The following MYRIP variants were observed in gnomAD, a reference collection of about 807,000 sequenced individuals.
The protein encoded by MYRIP is myosin VIIA and Rab interacting protein, also known as rab effector MyRIP.
A neutral mutation model predicts 98.0 loss-of-function variants in MYRIP; 49 were observed. The ratio of observed to expected loss-of-function variants is 0.50; its 90% CI spans 0.40 to 0.63. The LOEUF (loss-of-function observed/expected upper bound fraction) is 0.63. MYRIP is among the 30% of genes least tolerant of loss of function. The probability of loss-of-function intolerance (pLI) is 0.00; values close to 1 mark genes in which losing one functional copy is unlikely to be tolerated. For synonymous variants in MYRIP, 404 were observed against 409.5 expected, an observed-to-expected ratio of 0.99 and a Z score of 0.16; for missense variants, 1,004 against 1,058.2, an observed-to-expected ratio of 0.95 and a Z score of 0.71.
chr3:39,814,763 G>A (rs1228226790), intron 1 of MYRIP, among the ~76,000 whole-genome samples: 1 of 151,992 alleles, frequency 6.6e-6, no homozygotes. Flanking sequence ...TGATGCTTTA[G>A]GCTTCAACAT....
At chr3:40,032,765 C>A (rs1218960587) in intron 2 of MYRIP, among the ~76,000 whole-genome samples, 9 of 152,014 alleles carry the variant, frequency 5.9e-5, no homozygotes, top group African/African-American at 1.7e-4. Flanking sequence ...AGAGACACAA[C>A]CAAAAAAGAA....
At chr3:40,236,299 C>A (rs1010728482) in intron 12 of MYRIP, among the ~76,000 whole-genome samples, 5 of 152,144 alleles carry the variant, frequency 3.3e-5, no homozygotes, top group Non-Finnish European at 5.9e-5. Flanking sequence ...TTTTGCATTT[C>A]TAATAATACA....
chr3:40,244,366 A>G lies in MYRIP; in HGVS notation c.2101-80A>G, dbSNP rs576904212. The G allele has an allele frequency of 6.0e-6, 8 of 1,336,396 alleles. No individual in the cohort carries two copies. In the East Asian group the frequency reaches 1.0e-4, roughly 17 times the overall value. The allele number at this position is 1,336,396 out of a possible 1,614,324, so 82.8% of individuals were successfully genotyped here. ...AAGTCCAGTTATCTCACTCCCCTGA[A>G]TTGCTGGGGTCCCCTCAAGGGACCC... On this transcript the variant is annotated intron_variant, in intron 12 of 16. Coordinates refer to ENST00000302541, the MANE Select transcript of MYRIP (RefSeq NM_015460.4).
chr3:40,039,416 G>A (rs527975649), intron 2 of MYRIP, among the ~76,000 whole-genome samples: 19 of 152,132 alleles, frequency 1.2e-4, no homozygotes, highest in Non-Finnish European at 2.5e-4. Flanking sequence ...GAAAACAAGA[G>A]TAACACGAGG....
intron 3 of MYRIP, among the ~76,000 whole-genome samples, chr3:40,074,836 G>A (rs1020064532): frequency 5.3e-5 from 8 of 152,100 alleles, no homozygotes; most frequent in African/African-American, 9.7e-5. Flanking sequence ...AAGAAGATAC[G>A]TAGATGTCAA....
intron 2 of MYRIP, among the ~76,000 whole-genome samples, chr3:39,919,339 G>C (rs961650091): frequency 1.3e-5 from 2 of 152,182 alleles, no homozygotes; most frequent in Non-Finnish European, 2.9e-5. Flanking sequence ...AAGGTCCTAG[G>C]TCAGACTGCA....
rs769303792 is a variant in MYRIP at position 40,252,000 on chromosome 3, G to C, written c.2547+1G>C. 2 of 1,589,484 alleles carry C rather than the reference G, an allele frequency of 1.3e-6. No homozygotes were observed. The highest frequency in any genetic ancestry group is 1.7e-6 in the Non-Finnish European group (2 of 1,157,872). Reference sequence around the variant, plus strand: ...GAAAGGCACCACCAAGGATTTGATGGTAAATGTCATCTCTGTCTTAATGTT... The same window carrying C: ...GAAAGGCACCACCAAGGATTTGATGCTAAATGTCATCTCTGTCTTAATGTT... On this transcript the variant is annotated splice_donor_variant, in intron 16 of 16. Transcript: ENST00000302541. LOFTEE classifies it high-confidence loss of function.
rs1950790693 is a variant in MYRIP at position 40,177,456 on chromosome 3, G to A, written c.874-4764G>A. Among the ~76,000 whole-genome samples the A allele has an allele frequency of 1.3e-5, 2 of 152,142 alleles. 1 individual carries two copies. The highest frequency in any genetic ancestry group is 4.8e-5 in the African/African-American group (2 of 41,430). The stretch of plus-strand genomic sequence containing the variant: ...TTCTCCAATGACCCAGACACCTTTG[G>A]CTTAAGAAATAACCATGCAGAATCC... On this transcript the variant is annotated intron_variant, in intron 8 of 16. Coordinates refer to ENST00000302541, the MANE Select transcript of MYRIP (RefSeq NM_015460.4).
At chr3:39,934,678 A>G (rs1944618492) in intron 2 of MYRIP, among the ~76,000 whole-genome samples, 1 of 152,196 alleles carries the variant, frequency 6.6e-6, no homozygotes. Flanking sequence ...TGGGGAAGAA[A>G]CAGACAGCAG....
At chr3:39,940,596 T>C (rs1944761803) in intron 2 of MYRIP, among the ~76,000 whole-genome samples, 1 of 152,150 alleles carries the variant, frequency 6.6e-6, no homozygotes, top group Non-Finnish European at 1.5e-5. Context: ...ATTTCTTCAC[T>C]TATCTTAATG....
rs149495217 is a variant in MYRIP, at chr3:39,895,330, G to C, written c.-30-5457G>C. 9.2e-3 allele frequency among the ~76,000 whole-genome samples: 1,404 copies of C among 152,070 alleles called. 27 individuals carry two copies. The highest frequency in any genetic ancestry group is 0.032 in the African/African-American group (1,327 of 41,484). On this transcript the variant is annotated intron_variant, in intron 1 of 16. Coordinates refer to ENST00000302541, the MANE Select transcript of MYRIP (RefSeq NM_015460.4). ...GCATCCTGAGTAGCTGGGACTACAG[G>C]TGCCTGCCACCACGCTCGGCTAATT...
rs77226601 is a variant in MYRIP, at chr3:40,016,137, C to T, written c.111-27913C>T. ...TAGACTCCCTTCTTCCTTCTGTCCT[C>T]TTCTCCTTGGATAATTGTGTCCACT... On this transcript the variant is annotated intron_variant, in intron 2 of 16. Transcript: ENST00000302541. Among the ~76,000 whole-genome samples the T allele has an allele frequency of 9.6e-3, 1,465 of 152,190 alleles. 27 individuals carry two copies. The highest frequency in any genetic ancestry group is 0.033 in the African/African-American group (1,350 of 41,524).
intron 2 of MYRIP, among the ~76,000 whole-genome samples, chr3:39,999,427 C>T (rs1447048129): frequency 6.6e-6 from 1 of 152,184 alleles, no homozygotes; most frequent in Non-Finnish European, 1.5e-5. Flanking sequence ...TGAAAAAATG[C>T]TCATCATCAC....
intron 3 of MYRIP, among the ~76,000 whole-genome samples, chr3:40,120,933 C>T (rs1438317182): frequency 3.3e-5 from 5 of 152,192 alleles, no homozygotes; most frequent in African/African-American, 1.2e-4. Flanking sequence ...ATTTCATTCC[C>T]CCATCCCCCA....
intron 2 of MYRIP, among the ~76,000 whole-genome samples, chr3:40,042,219 A>T (rs1242555075): frequency 6.6e-6 from 1 of 150,396 alleles, no homozygotes; most frequent in Admixed American, 6.7e-5. Context: ...TAAAAGCAGG[A>T]TACAAAATAC....
chr3:40,077,926 C>T (rs572197624), intron 3 of MYRIP, among the ~76,000 whole-genome samples: 5 of 152,352 alleles, frequency 3.3e-5, no homozygotes, highest in East Asian at 1.9e-4. Flanking sequence ...GCCCTGCGCC[C>T]GCACTCCTCA....
rs563670779 is a variant in MYRIP at position 39,874,105 on chromosome 3, T to C, written c.-30-26682T>C. 1.4e-3 allele frequency among the ~76,000 whole-genome samples: 219 copies of C among 151,970 alleles called. 2 individuals are homozygous for C. Among genetic ancestry groups the C allele is most frequent in the African/African-American group, 5.1e-3 (212 of 41,362 alleles). On this transcript the variant is annotated intron_variant, in intron 1 of 16. Coordinates refer to ENST00000302541, the MANE Select transcript of MYRIP (RefSeq NM_015460.4). ...TATTTTATTCTCTTTGAAGCAATTGTGAATGGGAGTTCACTCATGATTTGG... is the reference window on the plus strand; with the variant it reads ...TATTTTATTCTCTTTGAAGCAATTGCGAATGGGAGTTCACTCATGATTTGG...
chr3:40,112,855 GC>G (rs1291377871), intron 3 of MYRIP, among the ~76,000 whole-genome samples: 1 of 152,150 alleles, frequency 6.6e-6, no homozygotes, highest in African/African-American at 2.4e-5. Flanking sequence ...TATTGTACAA[GC>G]CTGAGAGCAG....
rs990843499 is a variant in MYRIP at position 39,958,771 on chromosome 3, A to G, written c.110+57845A>G. Among the ~76,000 whole-genome samples, 4 of 152,352 alleles carry G rather than the reference A, an allele frequency of 2.6e-5. No individual in the cohort carries two copies. In the South Asian group the frequency reaches 8.3e-4, roughly 32 times the overall value. On this transcript the variant is annotated intron_variant, in intron 2 of 16. Transcript: ENST00000302541. ...TACAGAATGGGAGAAAATTTTTACC[A>G]TCTACCCATCTGACAAAGGGCTAAT... is the stretch of plus-strand genomic sequence containing the variant.
Sources: allele counts gnomAD v4.1 joint callset (sites outside exome capture counted in the v4.1 genomes callset), GRCh38; gene constraint gnomAD v4.1.1; transcripts MANE v1.5; gene names NCBI Gene and HGNC (gene_info 2026-07-23, HGNC 2026-07-21).